Variants in HS2ST1 observed in about 807,000 individuals in gnomAD.
HS2ST1 encodes 2-O-sulfotransferase.
A neutral mutation model predicts 42.9 loss-of-function variants in HS2ST1; 18 were observed. The ratio of observed to expected loss-of-function variants is 0.42; its 90% confidence interval spans 0.29 to 0.62. HS2ST1 has a LOEUF of 0.62. HS2ST1 is among the 20% of genes least tolerant of loss of function. The pLI, the probability that HS2ST1 is intolerant of heterozygous loss-of-function variation, is 0.21. For missense variants in HS2ST1, 334 were observed against 433.8 expected (o/e 0.77, Z 2.04); for synonymous variants, 146 against 152.9 (o/e 0.95, Z 0.33).
chr1:87,061,873 A>G (rs1199900401), intron 1 of HS2ST1, among the ~76,000 whole-genome samples: 5 of 149,962 alleles, frequency 3.3e-5, no homozygotes, highest in Admixed American at 1.3e-4. Context: ...GAGGGTTACA[A>G]TTTGTCACTT....
chr1:86,987,493 T>G (rs1361394119), intron 1 of HS2ST1, among the ~76,000 whole-genome samples: 1 of 152,164 alleles, frequency 6.6e-6, no homozygotes, highest in Non-Finnish European at 1.5e-5. Flanking sequence ...GGAAAGGTTC[T>G]CAAAACCATA....
At chr1:86,975,721 G>A (rs1272174531) in intron 1 of HS2ST1, among the ~76,000 whole-genome samples, 2 of 152,068 alleles carry the variant, frequency 1.3e-5, no homozygotes, top group South Asian at 2.1e-4. Context: ...CAAATGCTAT[G>A]ATATGCTTTT....
intron 1 of HS2ST1, among the ~76,000 whole-genome samples, chr1:86,957,627 A>G (rs1647710183): frequency 6.6e-6 from 1 of 152,142 alleles, no homozygotes; most frequent in South Asian, 2.1e-4. Flanking sequence ...TCTTTTATTT[A>G]TTCATAGCTA....
At chr1:87,053,587 A>G (rs2100616105) in intron 1 of HS2ST1, among the ~76,000 whole-genome samples, 1 of 152,316 alleles carries the variant, frequency 6.6e-6, no homozygotes, top group Admixed American at 6.5e-5. Flanking sequence ...ATTTTAGTTA[A>G]ATGCATTCTT....
At chr1:86,995,290 G>A (rs1002103601) in intron 1 of HS2ST1, among the ~76,000 whole-genome samples, 2 of 152,152 alleles carry the variant, frequency 1.3e-5, no homozygotes, top group Non-Finnish European at 2.9e-5. Flanking sequence ...ACATATCTGT[G>A]TAAAAATGGT....
chr1:86,992,885 A>T (rs1648999694), intron 1 of HS2ST1: 1 of 531,600 alleles, frequency 1.9e-6, no homozygotes. Flanking sequence ...ATGAAGGGGA[A>T]GATTGTAGAA....
At position 87,086,641 on chromosome 1, in the gene HS2ST1, G is replaced by A. The variant is rs79640850; in HGVS notation, c.449+2362G>A. On this transcript the variant is annotated intron_variant, in intron 3 of 6. Transcript: ENST00000370550. ...CTCCTTTCTAGTTTAGCCCGACCAC[G>A]AAGAAATACACATTATATTTGCAAG... is the stretch of plus-strand genomic sequence containing the variant. Among the ~76,000 whole-genome samples, 425 of 152,020 alleles carry A rather than the reference G, an allele frequency of 2.8e-3. 1 individual carries two copies. Among genetic ancestry groups the A allele is most frequent in the African/African-American group, 9.7e-3 (403 of 41,486 alleles).
intron 1 of HS2ST1, among the ~76,000 whole-genome samples, chr1:86,938,314 A>C (rs1397689181): frequency 6.6e-6 from 1 of 152,146 alleles, no homozygotes; most frequent in Non-Finnish European, 1.5e-5. Flanking sequence ...AGTCTTTTCT[A>C]TATGGGAATG....
chr1:86,935,610 GCAC>G (rs566132377), intron 1 of HS2ST1, among the ~76,000 whole-genome samples: 43 of 151,684 alleles, frequency 2.8e-4, no homozygotes, highest in Middle Eastern at 3.4e-3. Context: ...TTCCAGGCGT[GCAC>G]CACCACTCCC....
At chr1:86,989,935 T>C (rs1648893665) in intron 1 of HS2ST1, among the ~76,000 whole-genome samples, 1 of 152,102 alleles carries the variant, frequency 6.6e-6, no homozygotes, top group South Asian at 2.1e-4. Context: ...TTCCATGGTG[T>C]ATGTGCCACA....
At chr1:87,083,884 T>C (rs1651752563) in intron 2 of HS2ST1, among the ~76,000 whole-genome samples, 1 of 152,148 alleles carries the variant, frequency 6.6e-6, no homozygotes, top group Admixed American at 6.6e-5. Context: ...TGTAGATACA[T>C]ACACCCCCAC....
At chr1:87,013,919 G>T (rs143533642) in intron 1 of HS2ST1, among the ~76,000 whole-genome samples, 158 of 152,232 alleles carry the variant, frequency 1.0e-3, no homozygotes, top group African/African-American at 3.7e-3. Flanking sequence ...CTAAAACATA[G>T]TAAGAGTCAC....
At chr1:87,081,183 A>G (rs1651677725) in intron 2 of HS2ST1, among the ~76,000 whole-genome samples, 1 of 152,226 alleles carries the variant, frequency 6.6e-6, no homozygotes, top group African/African-American at 2.4e-5. Context: ...GAAATATCAT[A>G]CTTAATCTGC....
intron 1 of HS2ST1, among the ~76,000 whole-genome samples, chr1:86,963,755 C>T (rs865794815): frequency 2.4e-5 from 3 of 123,554 alleles, no homozygotes; most frequent in East Asian, 2.9e-4. Context: ...CCCCCCCCCC[C>T]ACCTCCCGGA....
In HS2ST1 at chr1:86,925,112, C is replaced by A. The variant is rs556677778; in HGVS notation, c.124+9952C>A. 7.2e-5 allele frequency among the ~76,000 whole-genome samples: 11 copies of A among 152,340 alleles called. No individual in the cohort carries two copies. In the South Asian group the frequency reaches 2.3e-3, roughly 32 times the overall value. ...CTCTCAAGTTCAAAGTTCCACAGAT[C>A]TCTAGGGCAGGGGCAAAATGCTGCC... On this transcript the variant is annotated intron_variant, in intron 1 of 6. Transcript: ENST00000370550.
intron 1 of HS2ST1, among the ~76,000 whole-genome samples, chr1:86,942,941 A>G (rs886335412): frequency 7.9e-5 from 12 of 151,944 alleles, no homozygotes; most frequent in African/African-American, 1.5e-4. Context: ...CCCCTTATCT[A>G]CAATCATCAG....
At chr1:87,067,363 A>G (rs1418733182) in intron 1 of HS2ST1, among the ~76,000 whole-genome samples, 1 of 152,186 alleles carries the variant, frequency 6.6e-6, no homozygotes, top group African/African-American at 2.4e-5. Flanking sequence ...GGCTGCATAA[A>G]TGTCTTCTTT....
At chr1:87,023,463 G>GT (rs1239767132) in intron 1 of HS2ST1, among the ~76,000 whole-genome samples, 1 of 52,530 alleles carries the variant, frequency 1.9e-5, no homozygotes, top group African/African-American at 5.3e-5. Context: ...TTCAAGATAT[G>GT]TTAAAAAAAA....
At chr1:87,049,193 G>A (rs1650771536) in intron 1 of HS2ST1, among the ~76,000 whole-genome samples, 1 of 151,868 alleles carries the variant, frequency 6.6e-6, no homozygotes, top group South Asian at 2.1e-4. Flanking sequence ...CAAGTTTATT[G>A]GCTACAGTTG....
Sources: allele counts gnomAD v4.1 joint callset (sites outside exome capture counted in the v4.1 genomes callset), GRCh38; gene constraint gnomAD v4.1.1; transcripts MANE v1.5; gene names NCBI Gene and HGNC (gene_info 2026-07-23, HGNC 2026-07-21).